CPSF2: variants seen among roughly 807,000 people sequenced by gnomAD.
The protein encoded by CPSF2 is cleavage and polyadenylation specificity factor subunit 2.
CPSF2 carries 51 observed loss-of-function variants against 84.2 expected under a neutral mutation model. That is an observed-to-expected ratio of 0.61 (90% confidence interval 0.48 to 0.77). CPSF2 has a LOEUF of 0.77. CPSF2 is among the 30% of genes least tolerant of loss of function. The pLI is 0.00. For missense variants in CPSF2, 641 were observed against 929.4 expected, an observed-to-expected ratio of 0.69 and a Z score of 4.03; for synonymous variants, 286 against 311.9, an observed-to-expected ratio of 0.92 and a Z score of 0.87.
intron 1 of CPSF2, 87 bp downstream of exon 1, chr14:92,122,215 A>C: frequency 6.6e-6 from 2 of 303,138 alleles, no homozygotes; most frequent in Non-Finnish European, 1.3e-5. Flanking sequence ...CCCGACTCCG[A>C]CCCGGTCTCC....
intron 3 of CPSF2, 78 bp downstream of exon 3, chr14:92,131,211 T>C: frequency 8.6e-7 from 1 of 1,163,686 alleles, no homozygotes; most frequent in Non-Finnish European, 1.2e-6. Flanking sequence ...TTCGATGTGA[T>C]AAATACTGCC....
At position 92,135,509 on chromosome 14, in the gene CPSF2, A is replaced by C. The variant is rs2068987040; in HGVS notation, c.545+13A>C. On this transcript the variant is annotated intron_variant, in intron 6 of 15. Coordinates refer to ENST00000298875, the MANE Select transcript of CPSF2 (RefSeq NM_017437.3). ...ACAAGAGGGAGATGTAGGTATATCA[A>C]GAGAAAAGCTAAAGGCAATGCAATT... 1.9e-6 allele frequency: 3 copies of C among 1,604,968 alleles called. No homozygotes were observed. The highest frequency in any genetic ancestry group is 2.6e-6 in the Non-Finnish European group (3 of 1,176,358).
chr14:92,151,438 A>T (rs992140839), intron 9 of CPSF2, among the ~76,000 whole-genome samples: 66 of 125,338 alleles, frequency 5.3e-4, no homozygotes, highest in East Asian at 2.5e-3. Flanking sequence ...AAGATACATA[A>T]AAAAAAAAAA....
chr14:92,138,367 C>A lies in CPSF2; in HGVS notation c.661+20C>A, dbSNP rs748427522. Reference sequence around the variant, plus strand: ...TTCTGAGTACGTATTCTTTCACGTCCTTATTATTATTATTATTTTGTAACT... The same window carrying A: ...TTCTGAGTACGTATTCTTTCACGTCATTATTATTATTATTATTTTGTAACT... On this transcript the variant is annotated intron_variant, in intron 7 of 15. Transcript: ENST00000298875. The A allele has an allele frequency of 2.8e-5, 32 of 1,158,728 alleles. 1 individual carries two copies. The highest frequency in any genetic ancestry group is 2.5e-4 in the Admixed American group (10 of 40,604). 71.8% of individuals were successfully genotyped at this position (1,158,728 alleles called of 1,614,324 possible). A position where few individuals can be genotyped will look rare whatever the true frequency, so the allele number is the denominator to read the frequency against.
Position 92,154,435 on chromosome 14 carries a change from C to A in CPSF2, c.1218C>A (p.Ala406=). The A allele has an allele frequency of 1.2e-6, 2 of 1,606,140 alleles. No individual in the cohort carries two copies. The highest frequency in any genetic ancestry group is 8.5e-7 in the Non-Finnish European group (1 of 1,176,628). The part of the protein sequence containing the change: ...LEKEKLKKEA[A]KKLEQSKEAD... ...AAGAGAAACTAAAGAAAGAAGCTGC[C>A]AAAAAGCTTGAGCAGTCAAAAGAGT... is the stretch of plus-strand genomic sequence containing the variant. Residue 406 remains alanine (A), a synonymous_variant, in exon 10 of 16, where the codon GCC becomes GCA. Transcript: ENST00000298875.
At position 92,159,137 on chromosome 14, in the gene CPSF2, A is replaced by T. The variant is rs2069332374; in HGVS notation, c.1976A>T (p.Asp659Val). 6.2e-7 allele frequency: 1 copy of T among 1,613,978 alleles called. No homozygotes were observed. Among genetic ancestry groups the T allele is most frequent in the African/African-American group, 1.3e-5 (1 of 74,904 alleles). Residue 659 changes from aspartate (D) to valine (V), a missense_variant, in exon 14 of 16, where the codon GAC becomes GTC. By Grantham distance (152) the Asp-to-Val change is radical. Around this residue, in one of 2 missense-constraint regions of CPSF2, gnomAD observed 430 missense variants for 553.6 expected, o/e 0.78. Transcript: ENST00000298875. Reference sequence around the variant, plus strand: ...GGAGAACTAAAGGATGATGGAGAAGACTCAGAGATGCAAGTGGAAGCTCCC... The same window carrying T: ...GGAGAACTAAAGGATGATGGAGAAGTCTCAGAGATGCAAGTGGAAGCTCCC... ...EEGELKDDGE[D>V]SEMQVEAPSD... is the part of the protein sequence containing the mutation.
rs1222874352 is a variant in CPSF2 at position 92,164,715 on chromosome 14, G to A, written c.*2971G>A. 1 of 152,238 alleles carries A rather than the reference G, an allele frequency of 6.6e-6. No homozygotes were observed. Among genetic ancestry groups the A allele is most frequent in the African/African-American group, 2.4e-5 (1 of 41,462 alleles). The allele number at this position is 152,238 out of a possible 1,614,324, so 9.4% of individuals were successfully genotyped here. A position where few individuals can be genotyped will look rare whatever the true frequency, so the allele number is the denominator to read the frequency against. On this transcript the variant is annotated 3_prime_UTR_variant, in exon 16 of 16. Transcript: ENST00000298875. ...TTTTTAGAAATATCTTGGGTGGCCT[G>A]AAACAGAAGTGAGGAAATCAATTTT...
At chr14:92,139,948 C>CTTT (rs1331887317) in intron 7 of CPSF2, among the ~76,000 whole-genome samples, 41 of 115,882 alleles carry the variant, frequency 3.5e-4, no homozygotes, top group East Asian at 7.3e-4. Context: ...AAAAGTACAA[C>CTTT]TATTTTTTTT....
chr14:92,147,927 G>A (rs1875932816), intron 9 of CPSF2, among the ~76,000 whole-genome samples: 1 of 152,180 alleles, frequency 6.6e-6, no homozygotes, highest in African/African-American at 2.4e-5. Flanking sequence ...AACTTGCTGT[G>A]TTGCCCAAGC....
At chr14:92,136,572 C>A (rs1270074377) in intron 6 of CPSF2, among the ~76,000 whole-genome samples, 5 of 152,180 alleles carry the variant, frequency 3.3e-5, no homozygotes, top group Admixed American at 2.6e-4. Flanking sequence ...CCAATTGTTA[C>A]CTCGTCCTCC....
intron 14 of CPSF2, among the ~76,000 whole-genome samples, chr14:92,159,576 G>C (rs117843475): frequency 0.015 from 2,259 of 152,206 alleles, 26 homozygotes; most frequent in Non-Finnish European, 0.021. Context: ...TGTAATCTCA[G>C]CTTAGAAGGC....
chr14:92,133,015 G>A (rs906158676), intron 3 of CPSF2, among the ~76,000 whole-genome samples: 13 of 150,388 alleles, frequency 8.6e-5, no homozygotes, highest in Non-Finnish European at 1.5e-4. Flanking sequence ...TGCTTGAACC[G>A]GGCGGTGGAG....
rs373374534 is a variant in CPSF2 at position 92,134,182 on chromosome 14, A to T, written c.309+12A>T. On this transcript the variant is annotated intron_variant, in intron 4 of 15. Transcript: ENST00000298875. ...ATGATCTTTATCAGGTAATTTAAGC[A>T]ATTAAAAAAATTTTGTTAGCACTCC... 7.4e-6 allele frequency: 12 copies of T among 1,613,334 alleles called. No homozygotes were observed. Among genetic ancestry groups the T allele is most frequent in the African/African-American group, 1.3e-5 (1 of 74,892 alleles).
At position 92,167,862 on chromosome 14, in the gene CPSF2, G is replaced by A. The variant is rs1263848787; in HGVS notation, c.*6118G>A. 3 of 147,712 alleles carry A rather than the reference G, an allele frequency of 2.0e-5. No individual in the cohort carries two copies. Among genetic ancestry groups the A allele is most frequent in the Non-Finnish European group, 4.5e-5 (3 of 67,330 alleles). 9.2% of individuals were successfully genotyped at this position (147,712 alleles called of 1,614,324 possible). The stretch of plus-strand genomic sequence containing the variant: ...ACTTAAAGGGTATAAACAGTGGGTA[G>A]TAATTCAGTGATTGAGAGGTTAATT... On this transcript the variant is annotated 3_prime_UTR_variant, in exon 16 of 16. Coordinates refer to ENST00000298875, the MANE Select transcript of CPSF2 (RefSeq NM_017437.3).
chr14:92,148,808 T>C lies in CPSF2; in HGVS notation c.1140+5514T>C, dbSNP rs549184686. Among the ~76,000 whole-genome samples, 66 of 150,738 alleles carry C rather than the reference T, an allele frequency of 4.4e-4. 1 individual carries two copies. The highest frequency in any genetic ancestry group is 1.9e-3 in the Admixed American group (28 of 15,112). On this transcript the variant is annotated intron_variant, in intron 9 of 15. Coordinates refer to ENST00000298875, the MANE Select transcript of CPSF2 (RefSeq NM_017437.3). ...AAAAAGAAAGAAATGTATATATATA[T>C]ATGTAGAGAGAGAGAGATGGGACCA...
At chr14:92,141,206 G>A (rs767817861) in intron 7 of CPSF2, among the ~76,000 whole-genome samples, 1 of 151,912 alleles carries the variant, frequency 6.6e-6, no homozygotes, top group Non-Finnish European at 1.5e-5. Flanking sequence ...TAATGCAATA[G>A]TTTAAAAAAT....
intron 9 of CPSF2, among the ~76,000 whole-genome samples, chr14:92,150,218 G>A (rs1035131860): frequency 1.3e-5 from 2 of 151,374 alleles, no homozygotes; most frequent in East Asian, 3.9e-4. Flanking sequence ...GGGTTCAAGC[G>A]ATTCTCCTGC....
chr14:92,142,879 A>G, intron 8 of CPSF2, 125 bp from the exon 9 acceptor site: 1 of 831,138 alleles, frequency 1.2e-6, no homozygotes, highest in Non-Finnish European at 1.9e-6. Context: ...CTGCTTGTCA[A>G]AACAGTACAA....
chr14:92,134,182 A>G lies in CPSF2; in HGVS notation c.309+12A>G, dbSNP rs373374534. 7 of 1,613,452 alleles carry G rather than the reference A, an allele frequency of 4.3e-6. No individual in the cohort carries two copies. Among genetic ancestry groups the G allele is most frequent in the Admixed American group, 1.7e-5 (1 of 59,964 alleles). ...ATGATCTTTATCAGGTAATTTAAGC[A>G]ATTAAAAAAATTTTGTTAGCACTCC... is the stretch of plus-strand genomic sequence containing the variant. On this transcript the variant is annotated intron_variant, in intron 4 of 15. Coordinates refer to ENST00000298875, the MANE Select transcript of CPSF2 (RefSeq NM_017437.3).
Sources: allele counts gnomAD v4.1 joint callset (sites outside exome capture counted in the v4.1 genomes callset), GRCh38; gene constraint gnomAD v4.1.1; regional missense constraint gnomAD v4.1.1; transcripts MANE v1.5; gene names NCBI Gene and HGNC (gene_info 2026-07-23, HGNC 2026-07-21).